GAS2L3: variants seen among roughly 807,000 people sequenced by gnomAD.
The protein encoded by GAS2L3 is GAS2-like protein 3.
A neutral mutation model predicts 37.0 loss-of-function variants in GAS2L3; 28 were observed. That is an observed-to-expected ratio of 0.76 (90% confidence interval 0.56 to 1.04). The LOEUF (loss-of-function observed/expected upper bound fraction) is 1.04. GAS2L3 is among the 50% of genes least tolerant of loss of function. GAS2L3 has a pLI of 0.00. For synonymous variants in GAS2L3, 290 were observed against 296.6 expected (o/e 0.98, Z 0.23); for missense variants, 793 against 817.6 (o/e 0.97, Z 0.37).
At chr12:100,575,681 T>C (rs1016461666) in intron 1 of GAS2L3, among the ~76,000 whole-genome samples, 4 of 151,980 alleles carry the variant, frequency 2.6e-5, no homozygotes, top group African/African-American at 9.7e-5. Context: ...GGTTTCACCA[T>C]GTTGGCCAGG....
rs1357704060 is a variant in GAS2L3, at chr12:100,626,554, G to C, written c.*1664G>C. On this transcript the variant is annotated 3_prime_UTR_variant, in exon 10 of 10. Coordinates refer to ENST00000547754, the MANE Select transcript of GAS2L3 (RefSeq NM_174942.3). ...ACTTTTTAGTGATCAGAAATATTTA[G>C]TGCATCTTTTCAGACAGGAAGAATT... 6.6e-6 allele frequency: 1 copy of C among 152,172 alleles called. No individual in the cohort carries two copies. Among genetic ancestry groups the C allele is most frequent in the African/African-American group, 2.4e-5 (1 of 41,446 alleles). The allele number at this position is 152,172 out of a possible 1,614,324, so 9.4% of individuals were successfully genotyped here. A position where few individuals can be genotyped will look rare whatever the true frequency, so the allele number is the denominator to read the frequency against.
At chr12:100,608,406 A>G (rs978391183) in intron 5 of GAS2L3, among the ~76,000 whole-genome samples, 9 of 152,116 alleles carry the variant, frequency 5.9e-5, no homozygotes, top group African/African-American at 2.2e-4. Flanking sequence ...AGTTCACTCA[A>G]GGCTCTAGGG....
At chr12:100,602,181 G>A (rs935346830) in intron 5 of GAS2L3, among the ~76,000 whole-genome samples, 20 of 152,138 alleles carry the variant, frequency 1.3e-4, no homozygotes, top group African/African-American at 4.6e-4. Context: ...TGGCACACAA[G>A]TAGCAGCTGC....
intron 8 of GAS2L3, among the ~76,000 whole-genome samples, chr12:100,619,409 C>A (rs1256908488): frequency 6.6e-6 from 1 of 151,874 alleles, no homozygotes; most frequent in African/African-American, 2.4e-5. Flanking sequence ...GTTGTTTGGA[C>A]TGTAGCATTT....
rs965938369 is a variant in GAS2L3, at chr12:100,577,236, A to T, written c.-152+3451A>T. 4.7e-4 allele frequency among the ~76,000 whole-genome samples: 71 copies of T among 152,322 alleles called. 1 individual carries two copies. The highest frequency in any genetic ancestry group is 1.6e-3 in the African/African-American group (68 of 41,572). On this transcript the variant is annotated intron_variant, in intron 1 of 9. Coordinates refer to ENST00000547754, the MANE Select transcript of GAS2L3 (RefSeq NM_174942.3). ...GTGGTTAAATGAGTCTACTGTATGA[A>T]TGTCCCATTAGTTATTTGAGCAGTT...
chr12:100,607,215 GT>G (rs1445700875), intron 5 of GAS2L3, among the ~76,000 whole-genome samples: 1 of 152,038 alleles, frequency 6.6e-6, no homozygotes, highest in African/African-American at 2.4e-5. Context: ...TAGGGCAAAA[GT>G]TTTTTTCCTT....
At chr12:100,606,548 T>G (rs1480547882) in intron 5 of GAS2L3, among the ~76,000 whole-genome samples, 1 of 151,864 alleles carries the variant, frequency 6.6e-6, no homozygotes, top group Non-Finnish European at 1.5e-5. Flanking sequence ...TTCTGGTTGT[T>G]TTTTGGTTGG....
At chr12:100,577,385 T>C (rs1346657161) in intron 1 of GAS2L3, among the ~76,000 whole-genome samples, 1 of 152,218 alleles carries the variant, frequency 6.6e-6, no homozygotes, top group African/African-American at 2.4e-5. Flanking sequence ...GTTAAAAAAA[T>C]TGTATGCCAC....
In GAS2L3 at chr12:100,591,164, C is replaced by T. The variant is rs981030806; in HGVS notation, c.-151-572C>T. 2.6e-5 allele frequency among the ~76,000 whole-genome samples: 4 copies of T among 152,090 alleles called. No individual in the cohort carries two copies. The South Asian group carries it at 8.3e-4, about 32-fold the overall frequency. ...TCAGTCTTCTCAACTGGTATATTAA[C>T]CCCATAAGGGCAGAAACATGTCTTT... On this transcript the variant is annotated intron_variant, in intron 1 of 9. Transcript: ENST00000547754.
intron 4 of GAS2L3, 69 bp downstream of exon 4, chr12:100,600,619 T>C: frequency 1.6e-6 from 2 of 1,215,698 alleles, no homozygotes; most frequent in Non-Finnish European, 2.4e-6. Context: ...AGCCTTACTC[T>C]TTGTCAAGGA....
intron 1 of GAS2L3, among the ~76,000 whole-genome samples, chr12:100,590,754 A>G (rs780241202): frequency 1.4e-4 from 21 of 152,192 alleles, no homozygotes; most frequent in Non-Finnish European, 2.6e-4. Context: ...TGCAGCCATA[A>G]AAAGGAATGA....
intron 3 of GAS2L3, among the ~76,000 whole-genome samples, chr12:100,597,151 C>A (rs1261507538): frequency 6.6e-6 from 1 of 151,950 alleles, no homozygotes; most frequent in East Asian, 1.9e-4. Context: ...TTTAAAAAAA[C>A]CACCCTCTTA....
chr12:100,594,881 A>G lies in GAS2L3; in HGVS notation c.-24A>G, dbSNP rs192405753. 1.5e-6 allele frequency: 2 copies of G among 1,293,756 alleles called. No individual in the cohort carries two copies. Among genetic ancestry groups the G allele is most frequent in the African/African-American group, 1.5e-5 (1 of 65,144 alleles). The allele number at this position is 1,293,756 out of a possible 1,614,324, so 80.1% of individuals were successfully genotyped here. On this transcript the variant is annotated 5_prime_UTR_variant, in exon 3 of 10. Coordinates refer to ENST00000547754, the MANE Select transcript of GAS2L3 (RefSeq NM_174942.3). ...TATTTTGTTCTTTTTTCAGAAAAGA[A>G]ATTTCATTTCAATATAGGTGACTAT...
At chr12:100,579,587 CAG>C (rs1224413114) in intron 1 of GAS2L3, 7 of 773,350 alleles carry the variant, frequency 9.1e-6, no homozygotes. Context: ...AGTTGCATGA[CAG>C]GGTGCATCTT....
At chr12:100,590,083 C>A (rs1025940683) in intron 1 of GAS2L3, among the ~76,000 whole-genome samples, 6 of 152,122 alleles carry the variant, frequency 3.9e-5, no homozygotes, top group Non-Finnish European at 8.8e-5. Context: ...AACTAAGGAG[C>A]TTTTAGTTTG....
chr12:100,614,614 G>A (rs931573389), intron 6 of GAS2L3, among the ~76,000 whole-genome samples: 6 of 152,056 alleles, frequency 3.9e-5, no homozygotes, highest in Non-Finnish European at 7.4e-5. Context: ...TCACTATGTT[G>A]TACAATCATT....
At position 100,600,364 on chromosome 12, in the gene GAS2L3, G is replaced by GTT; in HGVS notation, c.19-18_19-17insTT. ...AAAGGTTTTATTCATTCAGTTGATT[G>GTT]ATTTTTTTTTTCTTTAGGTATGGTT... On this transcript the variant is annotated splice_polypyrimidine_tract_variant and intron_variant, in intron 3 of 9. Coordinates refer to ENST00000547754, the MANE Select transcript of GAS2L3 (RefSeq NM_174942.3). 2.0e-6 allele frequency: 3 copies of GTT among 1,491,922 alleles called. No homozygotes were observed. The highest frequency in any genetic ancestry group is 2.7e-6 in the Non-Finnish European group (3 of 1,098,538). The allele number at this position is 1,491,922 out of a possible 1,614,324, so 92.4% of individuals were successfully genotyped here. A position where few individuals can be genotyped will look rare whatever the true frequency, so the allele number is the denominator to read the frequency against.
chr12:100,603,903 A>G (rs911270288), intron 5 of GAS2L3, among the ~76,000 whole-genome samples: 9 of 151,984 alleles, frequency 5.9e-5, no homozygotes, highest in Non-Finnish European at 1.3e-4. Context: ...TCTTCAATCT[A>G]TGTTCTTAGC....
chr12:100,599,338 C>T (rs1955954516), intron 3 of GAS2L3, among the ~76,000 whole-genome samples: 3 of 152,000 alleles, frequency 2.0e-5, no homozygotes, highest in Admixed American at 6.6e-5. Context: ...TGGCAAGTGT[C>T]GATTATAACA....
Sources: allele counts gnomAD v4.1 joint callset (sites outside exome capture counted in the v4.1 genomes callset), GRCh38; gene constraint gnomAD v4.1.1; transcripts MANE v1.5; gene names NCBI Gene and HGNC (gene_info 2026-07-23, HGNC 2026-07-21).